PCDHGB5: variants seen among roughly 807,000 people sequenced by gnomAD.
The protein encoded by PCDHGB5 is protocadherin gamma subfamily B, 5.
A neutral mutation model predicts 62.9 loss-of-function variants in PCDHGB5; 48 were observed. The ratio of observed to expected loss-of-function variants is 0.76; its 90% confidence interval spans 0.61 to 0.97. The LOEUF (loss-of-function observed/expected upper bound fraction) is 0.97, where lower values mean the gene tolerates loss of function less well. Ranked by LOEUF, PCDHGB5 falls within the 50% of genes least tolerant of loss-of-function variation. PCDHGB5 has a pLI of 0.00. For synonymous variants in PCDHGB5, 474 were observed against 511.2 expected, an observed-to-expected ratio of 0.93 and a Z score of 0.98; for missense variants, 1,118 against 1,198.6, an observed-to-expected ratio of 0.93 and a Z score of 0.99.
intron 1 of PCDHGB5, chr5:141,407,948 G>T (rs978962452): frequency 7.0e-6 from 4 of 572,054 alleles, no homozygotes; most frequent in Non-Finnish European, 1.1e-5. Flanking sequence ...GCCGCTGTCG[G>T]CCAGTGCAGA....
intron 1 of PCDHGB5, chr5:141,405,052 C>G (rs182635391): frequency 4.3e-6 from 7 of 1,613,836 alleles, no homozygotes; most frequent in Non-Finnish European, 5.9e-6. Context: ...TGGCAGTCGT[C>G]TCCTGTGTCT....
Position 141,398,901 on chromosome 5 carries a change from C to T in PCDHGB5, c.774C>T (p.Gly258=). 16 of 1,613,954 alleles carry T rather than the reference C, an allele frequency of 9.9e-6. No individual in the cohort carries two copies. Among genetic ancestry groups the T allele is most frequent in the Non-Finnish European group, 1.3e-5 (15 of 1,179,900 alleles). ...GCCTTCGGGAAAACGTGCCACCAGG[C>T]ACCACTGTGTTGCAAGTGTCAGCCA... ...RVSLRENVPP[G]TTVLQVSATD... Residue 258 remains glycine (G), a synonymous_variant, in exon 1 of 4, where the codon GGC becomes GGT. Transcript: ENST00000617380.
intron 1 of PCDHGB5, among the ~76,000 whole-genome samples, chr5:141,450,093 G>A (rs1330425383): frequency 2.8e-5 from 4 of 143,748 alleles, no homozygotes; most frequent in East Asian, 2.1e-4. Context: ...TGCAACCTCC[G>A]CCTCCCAGGT....
chr5:141,499,582 T>C (rs952280239), intron 2 of PCDHGB5, among the ~76,000 whole-genome samples: 7 of 152,164 alleles, frequency 4.6e-5, no homozygotes, highest in African/African-American at 7.2e-5. Flanking sequence ...TAATGCCTTA[T>C]CTTGTTTCAC....
At position 141,490,289 on chromosome 5, in the gene PCDHGB5, T is replaced by C; in HGVS notation, c.2398-4518T>C. ...GATGTCAATGACAATGCCCCAGAGG[T>C]GCTATTGGCCTCTTTGGCCAACCCT... On this transcript the variant is annotated intron_variant, in intron 1 of 3. Transcript: ENST00000617380. This position sits in a 1 kb window ranked among gnomAD's most constrained non-coding sequence, Gnocchi z 5.4. The C allele has an allele frequency of 1.2e-6, 2 of 1,614,096 alleles. No homozygotes were observed. The highest frequency in any genetic ancestry group is 1.7e-6 in the Non-Finnish European group (2 of 1,180,016).
chr5:141,451,301 G>T (rs963686418), intron 1 of PCDHGB5, among the ~76,000 whole-genome samples: 3 of 152,196 alleles, frequency 2.0e-5, no homozygotes, highest in Non-Finnish European at 4.4e-5. Flanking sequence ...AGTCTTACAA[G>T]GCAGCAATTA....
In PCDHGB5 at chr5:141,400,254, G is replaced by T; in HGVS notation, c.2127G>T (p.Leu709Phe). 1 of 1,613,980 alleles carries T rather than the reference G, an allele frequency of 6.2e-7. No homozygotes were observed. The highest frequency in any genetic ancestry group is 8.5e-7 in the Non-Finnish European group (1 of 1,179,882). Residue 709 changes from leucine (L) to phenylalanine (F), a missense_variant, in exon 1 of 4, where the codon TTG (leucine) becomes TTT (phenylalanine). Coordinates refer to ENST00000617380, the MANE Select transcript of PCDHGB5 (RefSeq NM_018925.3). ...FLLAVILAVA[L>F]RLRRSSSPAA... ...TGGCCGTGATTCTGGCCGTTGCCTT[G>T]CGCCTGCGACGCTCCTCCAGCCCTG...
At position 141,511,940 on chromosome 5, in the gene PCDHGB5, G is replaced by A. The variant is rs2099884015; in HGVS notation, c.*767G>A. 1 of 154,118 alleles carries A rather than the reference G, an allele frequency of 6.5e-6. No homozygotes were observed. The highest frequency in any genetic ancestry group is 1.9e-4 in the East Asian group (1 of 5,214). 9.5% of individuals were successfully genotyped at this position (154,118 alleles called of 1,614,324 possible). ...TCCACTGCATGTTCCAAGACAGTAT[G>A]GGGTGGTAAGATAAGGAAGGGAAGT... On this transcript the variant is annotated 3_prime_UTR_variant, in exon 4 of 4. Coordinates refer to ENST00000617380, the MANE Select transcript of PCDHGB5 (RefSeq NM_018925.3).
In PCDHGB5 at chr5:141,510,992, T is replaced by C. The variant is rs879030278; in HGVS notation, c.2591T>C (p.Met864Thr). The change falls in exon 4 of 4, where the codon ATG (methionine) becomes ACG (threonine). Residue 864 changes from methionine to threonine, a missense_variant. By Grantham distance (81) the Met-to-Thr change is moderately conservative. Around this residue, in one of 2 missense-constraint regions of PCDHGB5, gnomAD observed 1,034 missense variants for 1,029.1 expected, o/e 1.00. Coordinates refer to ENST00000617380, the MANE Select transcript of PCDHGB5 (RefSeq NM_018925.3). ...SSTLGGGAGT[M>T]GLSARYGPQF... is the part of the protein sequence containing the mutation. ...ACCCTGGGAGGGGGTGCCGGCACCA[T>C]GGGATTGAGCGCCCGCTACGGACCC... The C allele has an allele frequency of 1.9e-6, 3 of 1,614,164 alleles. No individual in the cohort carries two copies. The highest frequency in any genetic ancestry group is 2.5e-6 in the Non-Finnish European group (3 of 1,180,006).
chr5:141,478,163 C>G (rs779617960), intron 1 of PCDHGB5: 22 of 1,614,028 alleles, frequency 1.4e-5, no homozygotes, highest in Non-Finnish European at 1.9e-5. Context: ...TGGCTCTGCC[C>G]CCCGGGAGCA....
Position 141,476,380 on chromosome 5 carries a change from G to C in PCDHGB5, c.2398-18427G>C. 1 of 1,614,154 alleles carries C rather than the reference G, an allele frequency of 6.2e-7. No homozygotes were observed. The highest frequency in any genetic ancestry group is 8.5e-7 in the Non-Finnish European group (1 of 1,180,042). On this transcript the variant is annotated intron_variant, in intron 1 of 3. Coordinates refer to ENST00000617380, the MANE Select transcript of PCDHGB5 (RefSeq NM_018925.3). The surrounding 1 kb of genome is among the most constrained non-coding windows in gnomAD (Gnocchi z 7.6). ...ACCGGGAGACCGGAGAGATGTTTGT[G>C]AACGACCGTCTGGATCGAGAGGAGC... is the stretch of plus-strand genomic sequence containing the variant.
chr5:141,413,665 C>T (rs770111467), intron 1 of PCDHGB5: 1 of 1,613,726 alleles, frequency 6.2e-7, no homozygotes, highest in East Asian at 2.2e-5. Flanking sequence ...AGCTATTGAT[C>T]CGGATGTGGG....
intron 1 of PCDHGB5, chr5:141,419,113 C>A: frequency 6.2e-7 from 1 of 1,613,872 alleles, no homozygotes; most frequent in Non-Finnish European, 8.5e-7. Flanking sequence ...CCCCAGAGTA[C>A]AACGTCACCA....
chr5:141,489,150 TAA>T lies in PCDHGB5; in HGVS notation c.2398-5656_2398-5655del. 1.2e-6 allele frequency: 1 copy of T among 862,654 alleles called. No homozygotes were observed. Among genetic ancestry groups the T allele is most frequent in the Non-Finnish European group, 1.7e-6 (1 of 575,074 alleles). The allele number at this position is 862,654 out of a possible 1,614,324, so 53.4% of individuals were successfully genotyped here. On this transcript the variant is annotated intron_variant, in intron 1 of 3. Coordinates refer to ENST00000617380, the MANE Select transcript of PCDHGB5 (RefSeq NM_018925.3). This position sits in a 1 kb window ranked among gnomAD's most constrained non-coding sequence, Gnocchi z 4.5. ...GTTTTTAAGAGGCTGGAAGGAGACA[TAA>T]GAGACTTCAGCTGCTGCATTCCAAG... is the stretch of plus-strand genomic sequence containing the variant.
rs1407774111 is a variant in PCDHGB5 at position 141,431,569 on chromosome 5, C to G, written c.2397+31045C>G. On this transcript the variant is annotated intron_variant, in intron 1 of 3. Transcript: ENST00000617380. The surrounding 1 kb of genome is among the most constrained non-coding windows in gnomAD (Gnocchi z 4.8). Reference sequence around the variant, plus strand: ...TTGTAGTCAACGCTACCGACCCTGACGAAGGAGTCAATGCGGAAGTGAGGT... The same window carrying G: ...TTGTAGTCAACGCTACCGACCCTGAGGAAGGAGTCAATGCGGAAGTGAGGT... 5.6e-6 allele frequency: 9 copies of G among 1,614,000 alleles called. No homozygotes were observed. Among genetic ancestry groups the G allele is most frequent in the African/African-American group, 2.7e-5 (2 of 74,932 alleles).
chr5:141,424,956 T>C (rs1435882776), intron 1 of PCDHGB5, among the ~76,000 whole-genome samples: 3 of 152,176 alleles, frequency 2.0e-5, no homozygotes, highest in African/African-American at 7.2e-5. Context: ...TTCTAGGTAT[T>C]TGCCCCAAAT....
At chr5:141,473,402 T>C (rs1019157713) in intron 1 of PCDHGB5, among the ~76,000 whole-genome samples, 7 of 152,224 alleles carry the variant, frequency 4.6e-5, no homozygotes, top group Non-Finnish European at 7.3e-5. Flanking sequence ...CTTCTTTTTT[T>C]CTTCTTCAGT....
At chr5:141,447,082 T>C (rs1259827606) in intron 1 of PCDHGB5, among the ~76,000 whole-genome samples, 3 of 152,156 alleles carry the variant, frequency 2.0e-5, no homozygotes, top group Non-Finnish European at 2.9e-5. Context: ...ATTTTTGTTG[T>C]TTAATTTTCT....
intron 1 of PCDHGB5, chr5:141,404,914 C>T (rs1423848318): frequency 1.2e-6 from 2 of 1,613,948 alleles, no homozygotes; most frequent in Non-Finnish European, 1.7e-6. Flanking sequence ...AGCCCCCTCT[C>T]TCGGCCACTG....
Sources: allele counts gnomAD v4.1 joint callset (sites outside exome capture counted in the v4.1 genomes callset), GRCh38; gene constraint gnomAD v4.1.1; regional missense constraint gnomAD v4.1.1; non-coding constraint Gnocchi (gnomAD v3.1); transcripts MANE v1.5; gene names NCBI Gene and HGNC (gene_info 2026-07-23, HGNC 2026-07-21).